VTCN1: variants seen among roughly 807,000 people sequenced by gnomAD.
The protein encoded by VTCN1 is V-set domain-containing T-cell activation inhibitor 1.
Under a neutral mutation model 26.5 loss-of-function variants are expected in VTCN1, and 26 were observed. That is an observed-to-expected ratio of 0.98 (90% CI 0.72 to 1.36). The LOEUF (loss-of-function observed/expected upper bound fraction) is 1.36. VTCN1 is among the 40% of genes most tolerant of loss of function. VTCN1 has a pLI of 0.00. For missense variants in VTCN1, 298 were observed against 337.7 expected (o/e 0.88, Z 0.92); for synonymous variants, 116 against 130.7 (o/e 0.89, Z 0.77).
intron 1 of VTCN1, among the ~76,000 whole-genome samples, chr1:117,188,423 G>T (rs1217493557): frequency 6.6e-6 from 1 of 152,152 alleles, no homozygotes; most frequent in Non-Finnish European, 1.5e-5. Context: ...GTAGACTTTT[G>T]GGGAATAAGG....
At chr1:117,162,778 G>T (rs1284838023) in intron 2 of VTCN1, among the ~76,000 whole-genome samples, 1 of 152,154 alleles carries the variant, frequency 6.6e-6, no homozygotes, top group Admixed American at 6.5e-5. Context: ...TTCACACAGT[G>T]GGAGTACTAT....
In VTCN1 at chr1:117,147,583, A is replaced by G. The variant is rs1479068501; in HGVS notation, c.*45+30T>C. ...AGGAGCACAAGCACCCACAGAACCA[A>G]TATCCCACACTATTTGTGATTAATC... On this transcript the variant is annotated intron_variant, in intron 5 of 5. Coordinates refer to ENST00000369458, the MANE Select transcript of VTCN1 (RefSeq NM_024626.4). The surrounding 1 kb of genome is among the most constrained non-coding windows in gnomAD (Gnocchi z 4.6). 6.4e-7 allele frequency: 1 copy of G among 1,568,932 alleles called. No individual in the cohort carries two copies. Among genetic ancestry groups the G allele is most frequent in the African/African-American group, 1.4e-5 (1 of 73,228 alleles).
At position 117,170,170 on chromosome 1, in the gene VTCN1, T is replaced by C. The variant is rs750733015; in HGVS notation, c.34A>G (p.Ile12Val). The C allele has an allele frequency of 4.8e-5, 78 of 1,613,748 alleles. No homozygotes were observed. In the East Asian group the frequency reaches 9.6e-4, roughly 20 times the overall value. The change falls in exon 2 of 6, where the codon ATA becomes GTA. Residue 12 changes from isoleucine to valine, a missense_variant and splice_region_variant. Ile to Val is a conservative substitution (Grantham distance 29, BLOSUM62 3). Coordinates refer to ENST00000369458, the MANE Select transcript of VTCN1 (RefSeq NM_024626.4). ...ASLGQILFWS[I>V]ISIIIILAGA... Reference sequence around the variant, plus strand: ...GCCAGAATAATGATGATGCTAATTATGCTACGGGAAGAGAGAGAGAAACAG... The same window carrying C: ...GCCAGAATAATGATGATGCTAATTACGCTACGGGAAGAGAGAGAGAAACAG...
intron 1 of VTCN1, chr1:117,173,069 C>T (rs901263476): frequency 1.4e-6 from 1 of 691,038 alleles, no homozygotes; most frequent in African/African-American, 1.8e-5. Flanking sequence ...GTAACACTTA[C>T]CGTGAAGGAC....
chr1:117,208,254 T>A (rs866369342), intron 1 of VTCN1, among the ~76,000 whole-genome samples: 2 of 152,102 alleles, frequency 1.3e-5, no homozygotes, highest in African/African-American at 4.8e-5. Context: ...CATTCATGAG[T>A]TTTATTGTAT....
chr1:117,208,054 G>A (rs1026940777), intron 1 of VTCN1, among the ~76,000 whole-genome samples: 1 of 152,166 alleles, frequency 6.6e-6, no homozygotes, highest in East Asian at 1.9e-4. Flanking sequence ...CAGGGAAGCT[G>A]AAAGTTGGAC....
At chr1:117,149,966 C>T (rs545256809) in intron 4 of VTCN1, among the ~76,000 whole-genome samples, 7 of 152,192 alleles carry the variant, frequency 4.6e-5, no homozygotes, top group African/African-American at 1.7e-4. Context: ...GTAAAGAAGA[C>T]AGATCTGTTA....
chr1:117,203,265 T>A (rs886840518), intron 1 of VTCN1, among the ~76,000 whole-genome samples: 5 of 149,938 alleles, frequency 3.3e-5, no homozygotes, highest in African/African-American at 1.2e-4. Context: ...GGGATGGGGG[T>A]TGTAAGAGGA....
At chr1:117,174,906 G>C (rs887915827) in intron 1 of VTCN1, among the ~76,000 whole-genome samples, 1 of 152,196 alleles carries the variant, frequency 6.6e-6, no homozygotes. Context: ...CTGCTGCACT[G>C]GGGGTGCAGG....
intron 1 of VTCN1, among the ~76,000 whole-genome samples, chr1:117,190,547 C>A (rs1253975262): frequency 6.6e-6 from 1 of 152,204 alleles, no homozygotes; most frequent in Non-Finnish European, 1.5e-5. Context: ...TGTCCACAGA[C>A]CCAACTGCAG....
Position 117,210,899 on chromosome 1 carries a change from A to T in VTCN1, c.-44T>A. On this transcript the variant is annotated 5_prime_UTR_variant, in exon 1 of 6. Coordinates refer to ENST00000369458, the MANE Select transcript of VTCN1 (RefSeq NM_024626.4). ...GCGTATCTGGGTACTGGCTGAGTGG[A>T]GCTGCCGCTGCCTTCCTTGGTGACT... The T allele has an allele frequency of 6.2e-7, 1 of 1,609,308 alleles. No homozygotes were observed. The highest frequency in any genetic ancestry group is 8.5e-7 in the Non-Finnish European group (1 of 1,175,964).
At position 117,196,824 on chromosome 1, in the gene VTCN1, A is replaced by C. The variant is rs115578788; in HGVS notation, c.32+14000T>G. On this transcript the variant is annotated intron_variant, in intron 1 of 5. Coordinates refer to ENST00000369458, the MANE Select transcript of VTCN1 (RefSeq NM_024626.4). ...GAGCAAGCATGTTCTTCATAAGTCA[A>C]TACATGGCTCACAAACTACCCCAGG... Among the ~76,000 whole-genome samples the C allele has an allele frequency of 7.9e-3, 1,204 of 152,330 alleles. 18 individuals carry two copies. Among genetic ancestry groups the C allele is most frequent in the African/African-American group, 0.027 (1,143 of 41,574 alleles).
At chr1:117,205,111 G>T (rs947626733) in intron 1 of VTCN1, among the ~76,000 whole-genome samples, 1 of 139,322 alleles carries the variant, frequency 7.2e-6, no homozygotes, top group African/African-American at 2.6e-5. Flanking sequence ...GTATGTATAT[G>T]TATATGTATA....
At chr1:117,186,279 C>T (rs1249223437) in intron 1 of VTCN1, among the ~76,000 whole-genome samples, 1 of 152,312 alleles carries the variant, frequency 6.6e-6, no homozygotes, top group East Asian at 1.9e-4. Context: ...GAAATTAGAA[C>T]AATCGTATTA....
chr1:117,194,276 A>G (rs538123679), intron 1 of VTCN1, among the ~76,000 whole-genome samples: 5 of 152,320 alleles, frequency 3.3e-5, no homozygotes, highest in Non-Finnish European at 4.4e-5. Flanking sequence ...AAGGTGGTCA[A>G]CATCACTAAT....
At chr1:117,153,408 C>CAGA in intron 3 of VTCN1, 39 bp from the exon 4 acceptor site, 1 of 1,571,666 alleles carries the variant, frequency 6.4e-7, no homozygotes, top group African/African-American at 1.4e-5. Context: ...ATGCCAAAGT[C>CAGA]AGACACGTAA....
chr1:117,208,606 G>A (rs115924010), intron 1 of VTCN1, among the ~76,000 whole-genome samples: 1 of 152,166 alleles, frequency 6.6e-6, no homozygotes, highest in Non-Finnish European at 1.5e-5. Context: ...CAGAGCAAGG[G>A]TTTTCTACCC....
At chr1:117,210,078 C>A (rs1191374569) in intron 1 of VTCN1, among the ~76,000 whole-genome samples, 2 of 152,154 alleles carry the variant, frequency 1.3e-5, no homozygotes, top group Non-Finnish European at 2.9e-5. Flanking sequence ...TCAAGAAAAC[C>A]CTGCACTTTC....
At chr1:117,173,365 A>AAC (rs140251705) in intron 1 of VTCN1, 162,569 of 381,092 alleles carry the variant, frequency 0.43, 22,755 homozygotes, top group East Asian at 0.59. Flanking sequence ...GACACAGATG[A>AAC]ACACACACAC....
Sources: allele counts gnomAD v4.1 joint callset (sites outside exome capture counted in the v4.1 genomes callset), GRCh38; gene constraint gnomAD v4.1.1; non-coding constraint Gnocchi (gnomAD v3.1); transcripts MANE v1.5; gene names NCBI Gene and HGNC (gene_info 2026-07-23, HGNC 2026-07-21).